Variants in FAF1 observed in about 807,000 individuals in gnomAD.
FAF1 encodes the protein Fas associated factor 1.
FAF1 carries 25 observed loss-of-function variants against 92.5 expected under a neutral mutation model. The ratio of observed to expected loss-of-function variants is 0.27; its 90% CI spans 0.20 to 0.38. The LOEUF is 0.38. Among genes scored for constraint, FAF1 ranks in the 10% least tolerant of loss-of-function variants. The probability of loss-of-function intolerance (pLI) is 1.00; values close to 1 mark genes in which losing one functional copy is unlikely to be tolerated. For missense variants in FAF1, 636 were observed against 793.3 expected (o/e 0.80, Z 2.38); for synonymous variants, 234 against 273.2 (o/e 0.86, Z 1.42).
At chr1:50,620,963 C>G (rs1430711840) in intron 8 of FAF1, among the ~76,000 whole-genome samples, 1 of 152,220 alleles carries the variant, frequency 6.6e-6, no homozygotes, top group Admixed American at 6.5e-5. Context: ...GGCCATGGGG[C>G]CCCCTCAGGC....
intron 2 of FAF1, among the ~76,000 whole-genome samples, chr1:50,803,059 C>T (rs1041251706): frequency 3.3e-5 from 5 of 152,180 alleles, no homozygotes; most frequent in East Asian, 1.9e-4. Flanking sequence ...AGAACCCTGA[C>T]GACTCTGGAG....
At chr1:50,778,075 G>A (rs1183724157) in intron 4 of FAF1, among the ~76,000 whole-genome samples, 2 of 152,216 alleles carry the variant, frequency 1.3e-5, no homozygotes, top group South Asian at 4.2e-4. Flanking sequence ...GTAATTTATG[G>A]TATTTTCATA....
At chr1:50,876,405 A>T (rs1644571772) in intron 1 of FAF1, among the ~76,000 whole-genome samples, 1 of 152,216 alleles carries the variant, frequency 6.6e-6, no homozygotes, top group Admixed American at 6.5e-5. Context: ...TGATATTAGG[A>T]AGGCAATATA....
rs574588868 is a variant in FAF1, at chr1:50,921,794, T to A, written c.45+37973A>T. ...AAGACCTTGTTTCAAAAAAAAAAAA[T>A]TTAAAGTATAAAATTCATTGGTAGA... On this transcript the variant is annotated intron_variant, in intron 1 of 18. Coordinates refer to ENST00000396153, the MANE Select transcript of FAF1 (RefSeq NM_007051.3). 1.2e-4 allele frequency among the ~76,000 whole-genome samples: 18 copies of A among 151,204 alleles called. 1 individual carries two copies. Among genetic ancestry groups the A allele is most frequent in the South Asian group, 6.3e-4 (3 of 4,768 alleles).
intron 17 of FAF1, among the ~76,000 whole-genome samples, chr1:50,477,761 C>T (rs931794076): frequency 6.6e-6 from 1 of 152,180 alleles, no homozygotes; most frequent in Non-Finnish European, 1.5e-5. Context: ...CCTGCAAGCT[C>T]CATAATGGCA....
Position 50,818,839 on chromosome 1 carries a change from C to T in FAF1, c.115-17162G>A, listed in dbSNP as rs12073442. On this transcript the variant is annotated intron_variant, in intron 2 of 18. Coordinates refer to ENST00000396153, the MANE Select transcript of FAF1 (RefSeq NM_007051.3). ...GCGACAGAGCGAGACTCCATCCCCC[C>T]ACCAAAAAAAAAAAAGAAATCTTGG... Among the ~76,000 whole-genome samples the T allele has an allele frequency of 9.9e-3, 1,491 of 150,692 alleles. 21 individuals carry two copies. The highest frequency in any genetic ancestry group is 0.034 in the African/African-American group (1,413 of 41,090).
intron 6 of FAF1, among the ~76,000 whole-genome samples, chr1:50,730,804 C>T (rs1330630860): frequency 9.9e-5 from 15 of 152,194 alleles, no homozygotes; most frequent in Admixed American, 7.9e-4. Flanking sequence ...CAGGTATTTG[C>T]TCTTGAACTT....
intron 1 of FAF1, among the ~76,000 whole-genome samples, chr1:50,898,571 CA>C (rs1644773611): frequency 6.6e-6 from 1 of 151,848 alleles, no homozygotes; most frequent in African/African-American, 2.4e-5. Flanking sequence ...CTATTTTTTA[CA>C]ATGAAAAAAT....
chr1:50,464,089 C>T (rs911649894), intron 18 of FAF1, among the ~76,000 whole-genome samples: 6 of 152,334 alleles, frequency 3.9e-5, no homozygotes, highest in African/African-American at 1.4e-4. Context: ...AAGGTCTACA[C>T]ATCTTAAAGC....
intron 2 of FAF1, among the ~76,000 whole-genome samples, chr1:50,851,318 T>A (rs189829623): frequency 2.6e-5 from 4 of 152,212 alleles, no homozygotes; most frequent in African/African-American, 9.6e-5. Context: ...AGTGACCCAC[T>A]CGCATTGGCT....
intron 1 of FAF1, among the ~76,000 whole-genome samples, chr1:50,956,220 G>A (rs546046770): frequency 2.6e-4 from 40 of 151,898 alleles, no homozygotes; most frequent in Admixed American, 1.1e-3. Context: ...GGACAATTTG[G>A]GGTAATATTT....
At chr1:50,550,089 C>T (rs921258177) in intron 13 of FAF1, among the ~76,000 whole-genome samples, 7 of 151,992 alleles carry the variant, frequency 4.6e-5, no homozygotes, top group Admixed American at 6.6e-5. Context: ...CCGTAGCTCA[C>T]GCCTGTAATC....
intron 4 of FAF1, among the ~76,000 whole-genome samples, chr1:50,749,916 CAG>C (rs1187576350): frequency 2.0e-5 from 3 of 152,042 alleles, no homozygotes; most frequent in Non-Finnish European, 1.5e-5. Context: ...AAATGTTTTG[CAG>C]AGTGCCTAAT....
At chr1:50,651,345 T>A (rs546084942) in intron 8 of FAF1, among the ~76,000 whole-genome samples, 161 of 152,330 alleles carry the variant, frequency 1.1e-3, no homozygotes, top group Non-Finnish European at 1.7e-3. Context: ...TTTTAAATGT[T>A]CAATTATTTT....
intron 2 of FAF1, among the ~76,000 whole-genome samples, chr1:50,824,539 C>A (rs1159593883): frequency 1.3e-5 from 2 of 151,980 alleles, no homozygotes; most frequent in Non-Finnish European, 2.9e-5. Context: ...AGTACAACTA[C>A]TATGGAAAAC....
chr1:50,749,751 T>C (rs1157854956), intron 4 of FAF1, among the ~76,000 whole-genome samples: 2 of 151,316 alleles, frequency 1.3e-5, no homozygotes, highest in African/African-American at 2.4e-5. Flanking sequence ...TCGTTGCCAC[T>C]GCACTCTATC....
chr1:50,735,129 G>A (rs942295521), intron 6 of FAF1, among the ~76,000 whole-genome samples: 2 of 152,212 alleles, frequency 1.3e-5, no homozygotes, highest in Admixed American at 6.5e-5. Context: ...CAGGCTACCT[G>A]AGGACACAGC....
chr1:50,643,942 C>T (rs991271598), intron 8 of FAF1, among the ~76,000 whole-genome samples: 3 of 152,102 alleles, frequency 2.0e-5, no homozygotes, highest in African/African-American at 7.2e-5. Flanking sequence ...TTTATTATTT[C>T]CTCTTATGTT....
At chr1:50,897,378 G>A (rs543320781) in intron 1 of FAF1, among the ~76,000 whole-genome samples, 1 of 152,280 alleles carries the variant, frequency 6.6e-6, no homozygotes, top group African/African-American at 2.4e-5. Context: ...ATTCTGGAAA[G>A]ACACATCTAT....
Sources: gnomAD v4.1 joint callset for allele counts (sites outside exome capture counted in the v4.1 genomes callset) on GRCh38, gnomAD v4.1.1 for gene constraint, MANE v1.5 for transcripts, NCBI Gene and HGNC (gene_info 2026-07-23, HGNC 2026-07-21) for gene names.